C7orf78: variants seen among roughly 807,000 people sequenced by gnomAD.
The protein encoded by C7orf78 is putative uncharacterized protein C7orf78.
At chr7:12,512,699 T>C in the C7orf78 span, among the ~76,000 whole-genome samples, 1 of 152,210 alleles carries the variant, frequency 6.6e-6, no homozygotes, top group Non-Finnish European at 1.5e-5. Context: ...GTAATGCTGA[T>C]CTTGTAGAAT....
the C7orf78 span, among the ~76,000 whole-genome samples, chr7:12,525,125 G>A: frequency 1.1e-3 from 161 of 151,852 alleles, no homozygotes; most frequent in Non-Finnish European, 4.6e-4. Flanking sequence ...TGTTCTATAC[G>A]CTTGTGGCAG....
chr7:12,529,795 G>A, the C7orf78 span, among the ~76,000 whole-genome samples: 22 of 152,186 alleles, frequency 1.4e-4, no homozygotes, highest in Admixed American at 1.4e-3. Context: ...ATTCAAGGGC[G>A]GGCCTGTGGT....
At chr7:12,491,058 T>A in the C7orf78 span, 1 of 152,190 alleles carries the variant, frequency 6.6e-6, no homozygotes, top group Non-Finnish European at 1.5e-5. Context: ...CAGGACCATC[T>A]ACAAGGAAAA....
chr7:12,494,319 T>C, the C7orf78 span, among the ~76,000 whole-genome samples: 1 of 152,174 alleles, frequency 6.6e-6, no homozygotes, highest in Non-Finnish European at 1.5e-5. Context: ...CTTGACCTGG[T>C]AAGTAAATAT....
chr7:12,512,078 ATTTG>A, the C7orf78 span, among the ~76,000 whole-genome samples: 2 of 151,576 alleles, frequency 1.3e-5, no homozygotes, highest in African/African-American at 4.8e-5. Context: ...CCTGGCCTGA[ATTTG>A]TTTATTAGTT....
the C7orf78 span, among the ~76,000 whole-genome samples, chr7:12,535,010 G>GGAACGAAGGAAGGAAC: frequency 6.7e-6 from 1 of 150,206 alleles, no homozygotes; most frequent in African/African-American, 2.5e-5. Flanking sequence ...AAGGAAGGAA[G>GGAACGAAGGAAGGAAC]GAAGGAAGGA....
chr7:12,489,629 T>C, the C7orf78 span, among the ~76,000 whole-genome samples: 1 of 152,140 alleles, frequency 6.6e-6, no homozygotes, highest in African/African-American at 2.4e-5. Context: ...CACCTGTATC[T>C]AGAAGCGGGA....
chr7:12,513,565 C>T, the C7orf78 span, among the ~76,000 whole-genome samples: 1 of 152,082 alleles, frequency 6.6e-6, no homozygotes, highest in Admixed American at 6.6e-5. Context: ...TTTTGGAGTT[C>T]CCCTGGTATT....
chr7:12,515,293 G>C, the C7orf78 span, among the ~76,000 whole-genome samples: 1 of 152,152 alleles, frequency 6.6e-6, no homozygotes, highest in Non-Finnish European at 1.5e-5. Context: ...AGATATGATG[G>C]TTTTATCAGG....
At chr7:12,515,738 C>G in the C7orf78 span, among the ~76,000 whole-genome samples, 2 of 151,966 alleles carry the variant, frequency 1.3e-5, no homozygotes, top group African/African-American at 4.8e-5. Flanking sequence ...GGAACTGGAG[C>G]AAAGGTGACT....
chr7:12,528,690 T>G, the C7orf78 span, among the ~76,000 whole-genome samples: 1 of 152,036 alleles, frequency 6.6e-6, no homozygotes, highest in Non-Finnish European at 1.5e-5. Flanking sequence ...AAATAAAAGG[T>G]GGGATTGGAG....
chr7:12,539,412 C>T, the C7orf78 span, among the ~76,000 whole-genome samples: 13 of 152,104 alleles, frequency 8.5e-5, no homozygotes, highest in African/African-American at 1.9e-4. Context: ...TGCAGTGAAC[C>T]GAGATCCCAC....
At chr7:12,533,245 G>C in the C7orf78 span, among the ~76,000 whole-genome samples, 1 of 152,120 alleles carries the variant, frequency 6.6e-6, no homozygotes, top group African/African-American at 2.4e-5. Flanking sequence ...CTGTCACCCA[G>C]GCTGGAGTGC....
chr7:12,494,342 T>C, the C7orf78 span, among the ~76,000 whole-genome samples: 1 of 152,126 alleles, frequency 6.6e-6, no homozygotes, highest in Non-Finnish European at 1.5e-5. Flanking sequence ...AACAAGATAA[T>C]TCCTTCTCTG....
chr7:12,511,585 C>G, the C7orf78 span, among the ~76,000 whole-genome samples: 2 of 152,118 alleles, frequency 1.3e-5, no homozygotes, highest in Admixed American at 6.6e-5. Context: ...AGATCTTTCA[C>G]CTCGTTAGCT....
the C7orf78 span, among the ~76,000 whole-genome samples, chr7:12,495,427 TG>T: frequency 3.3e-5 from 5 of 152,208 alleles, no homozygotes; most frequent in Non-Finnish European, 5.9e-5. Context: ...CTTATTGTGC[TG>T]ATATGTAATT....
the C7orf78 span, chr7:12,528,887 T>C: frequency 5.0e-6 from 2 of 398,416 alleles, no homozygotes; most frequent in Non-Finnish European, 8.9e-6. Flanking sequence ...CTCTCATTTG[T>C]CTTCCTATCT....
chr7:12,524,191 C>T, the C7orf78 span, among the ~76,000 whole-genome samples: 1 of 152,080 alleles, frequency 6.6e-6, no homozygotes, highest in Non-Finnish European at 1.5e-5. Flanking sequence ...AGACAAGATA[C>T]TAAGCCTTTT....
chr7:12,498,959 C>T, the C7orf78 span, among the ~76,000 whole-genome samples: 1 of 151,902 alleles, frequency 6.6e-6, no homozygotes, highest in East Asian at 1.9e-4. Flanking sequence ...AATTTTCAAC[C>T]CAGAATTTCA....
Sources: allele counts gnomAD v4.1 joint callset (sites outside exome capture counted in the v4.1 genomes callset), GRCh38; gene constraint gnomAD v4.1.1; transcripts MANE v1.5; gene names NCBI Gene and HGNC (gene_info 2026-07-23, HGNC 2026-07-21).